Variants in DGKB observed in about 807,000 individuals in gnomAD.
DGKB encodes the protein diacylglycerol kinase beta, also known as 90 kDa diacylglycerol kinase.
DGKB carries 67 observed loss-of-function variants against 114.3 expected under a neutral mutation model. The observed-to-expected ratio is 0.59, with a 90% CI of 0.48 to 0.72. The LOEUF is 0.72. Among genes scored for constraint, DGKB ranks in the 30% least tolerant of loss-of-function variants. The pLI, the probability that DGKB is intolerant of heterozygous loss-of-function variation, is 0.00. For synonymous variants in DGKB, 398 were observed against 323.1 expected (o/e 1.23, Z -2.49); for missense variants, 907 against 975.2 (o/e 0.93, Z 0.93).
intron 13 of DGKB, among the ~76,000 whole-genome samples, chr7:14,660,556 G>A (rs551716652): frequency 2.4e-3 from 361 of 151,824 alleles, no homozygotes; most frequent in African/African-American, 7.7e-3. Context: ...CTGTGGGATC[G>A]GTGGTGATAT....
intron 1 of DGKB, among the ~76,000 whole-genome samples, chr7:14,887,733 C>T (rs925854406): frequency 2.0e-5 from 3 of 151,808 alleles, no homozygotes; most frequent in African/African-American, 4.8e-5. Flanking sequence ...TTATTTTCTT[C>T]ATGACATATA....
chr7:14,415,517 G>A (rs1430604808), intron 21 of DGKB, among the ~76,000 whole-genome samples: 72 of 151,036 alleles, frequency 4.8e-4, no homozygotes, highest in Non-Finnish European at 9.0e-4. Context: ...GAGAACATGC[G>A]GTGTTTGGTT....
intron 2 of DGKB, among the ~76,000 whole-genome samples, chr7:14,823,085 A>G (rs1451752704): frequency 6.6e-6 from 1 of 151,824 alleles, no homozygotes; most frequent in Non-Finnish European, 1.5e-5. Flanking sequence ...TCATACAATT[A>G]CAAAGAGTCT....
rs1214792344 is a variant in DGKB, at chr7:14,485,095, AC to A, written c.1771-6871del. Among the ~76,000 whole-genome samples, 143 of 65,066 alleles carry A rather than the reference AC, an allele frequency of 2.2e-3. 1 individual carries two copies. In the East Asian group the frequency reaches 0.05, roughly 23 times the overall value. The allele number at this position is 65,066 out of a possible 152,430, so 42.7% of individuals were successfully genotyped here. A position where few individuals can be genotyped will look rare whatever the true frequency, so the allele number is the denominator to read the frequency against. On this transcript the variant is annotated intron_variant, in intron 20 of 25. Coordinates refer to ENST00000402815, the MANE Select transcript of DGKB (RefSeq NM_001350709.2). ...GATAATTACTGAAAGACACACACACACCACACACACACACACACACACACAC... is the reference window on the plus strand; with the variant it reads ...GATAATTACTGAAAGACACACACACACACACACACACACACACACACACAC...
At chr7:14,508,331 G>A (rs1160600335) in intron 20 of DGKB, among the ~76,000 whole-genome samples, 1 of 152,160 alleles carries the variant, frequency 6.6e-6, no homozygotes, top group East Asian at 1.9e-4. Flanking sequence ...TCATTATCAG[G>A]ACTGGATCTG....
chr7:14,536,280 G>A (rs76176963), intron 20 of DGKB, among the ~76,000 whole-genome samples: 217 of 152,044 alleles, frequency 1.4e-3, no homozygotes, highest in Non-Finnish European at 2.5e-3. Flanking sequence ...GAAGGGATAA[G>A]GAATACTTCC....
intron 19 of DGKB, among the ~76,000 whole-genome samples, chr7:14,575,393 T>G (rs1798974236): frequency 6.6e-6 from 1 of 152,294 alleles, no homozygotes; most frequent in Middle Eastern, 3.4e-3. Flanking sequence ...GACCTGAAAA[T>G]AAAAGTCTTG....
chr7:14,913,932 C>A (rs2128244603), intron 1 of DGKB, among the ~76,000 whole-genome samples: 1 of 152,082 alleles, frequency 6.6e-6, no homozygotes, highest in South Asian at 2.1e-4. Context: ...AGAATCACAG[C>A]CGAGATCAGC....
intron 23 of DGKB, among the ~76,000 whole-genome samples, chr7:14,270,603 T>C (rs527411518): frequency 6.6e-6 from 1 of 152,340 alleles, no homozygotes; most frequent in East Asian, 1.9e-4. Flanking sequence ...GGTGCAATGA[T>C]AAATAAATAG....
intron 23 of DGKB, among the ~76,000 whole-genome samples, chr7:14,301,437 C>T (rs1413193703): frequency 6.6e-6 from 1 of 152,098 alleles, no homozygotes; most frequent in African/African-American, 2.4e-5. Context: ...CATACCCAGT[C>T]AAGACATCTT....
chr7:14,629,226 T>C (rs1031834149), intron 14 of DGKB, among the ~76,000 whole-genome samples: 2 of 152,094 alleles, frequency 1.3e-5, no homozygotes, highest in African/African-American at 4.8e-5. Context: ...TTAGCATCTC[T>C]ATTTTATAAT....
chr7:14,906,001 G>A (rs576475783), upstream of DGKB, among the ~76,000 whole-genome samples: 1 of 151,962 alleles, frequency 6.6e-6, no homozygotes, highest in Non-Finnish European at 1.5e-5. Context: ...TCACTCACAG[G>A]CTCCACAGAA....
chr7:14,478,619 G>A (rs1365072094), intron 20 of DGKB, among the ~76,000 whole-genome samples: 2 of 152,074 alleles, frequency 1.3e-5, no homozygotes, highest in Non-Finnish European at 2.9e-5. Context: ...GCCCTAAGTG[G>A]AGAAATGATC....
intron 20 of DGKB, among the ~76,000 whole-genome samples, chr7:14,553,947 A>G (rs1425993025): frequency 1.6e-5 from 2 of 128,536 alleles, no homozygotes; most frequent in African/African-American, 6.0e-5. Context: ...ATCTCGGCTC[A>G]CTGCAAGCTC....
At chr7:14,464,095 T>C (rs888267707) in intron 21 of DGKB, among the ~76,000 whole-genome samples, 23 of 152,132 alleles carry the variant, frequency 1.5e-4, no homozygotes, top group African/African-American at 5.5e-4. Flanking sequence ...TTTGTAACTT[T>C]GTGTTCTTTT....
chr7:14,442,681 A>G (rs1830233662), intron 21 of DGKB, among the ~76,000 whole-genome samples: 2 of 152,028 alleles, frequency 1.3e-5, no homozygotes, highest in South Asian at 4.1e-4. Context: ...ATTTTACCAC[A>G]TATTATTTCT....
intron 23 of DGKB, among the ~76,000 whole-genome samples, chr7:14,327,888 T>C (rs1809029910): frequency 6.6e-6 from 1 of 152,174 alleles, no homozygotes; most frequent in African/African-American, 2.4e-5. Context: ...GAGAAATGTA[T>C]AAGTAGCATT....
intron 22 of DGKB, among the ~76,000 whole-genome samples, chr7:14,339,047 A>T (rs190709108): frequency 2.0e-5 from 3 of 152,180 alleles, no homozygotes; most frequent in Non-Finnish European, 4.4e-5. Flanking sequence ...AAAAAGGTTA[A>T]TTCTGGAAAC....
At chr7:14,651,582 C>G (rs1814503787) in intron 13 of DGKB, among the ~76,000 whole-genome samples, 1 of 144,734 alleles carries the variant, frequency 6.9e-6, no homozygotes. Context: ...CCTTTGAAAA[C>G]TGGCACAAGA....
Sources: allele counts gnomAD v4.1 joint callset (sites outside exome capture counted in the v4.1 genomes callset), GRCh38; gene constraint gnomAD v4.1.1; transcripts MANE v1.5; gene names NCBI Gene and HGNC (gene_info 2026-07-23, HGNC 2026-07-21).